The following SIN3B variants were observed in gnomAD, a reference collection of about 807,000 sequenced individuals.
SIN3B encodes paired amphipathic helix protein Sin3b.
Under a neutral mutation model 120.2 loss-of-function variants are expected in SIN3B, and 19 were observed. The observed-to-expected ratio is 0.16, with a 90% CI of 0.11 to 0.23. SIN3B has a LOEUF of 0.23. Ranked by LOEUF, SIN3B falls within the 10% of genes least tolerant of loss-of-function variation. SIN3B has a pLI of 1.00. For missense variants in SIN3B, 1,073 were observed against 1,573.0 expected (o/e 0.68, Z 5.38); for synonymous variants, 654 against 653.2 (o/e 1.00, Z -0.02).
intron 14 of SIN3B, 76 bp downstream of exon 14, chr19:16,871,474 A>AG (rs1379442981): frequency 7.7e-5 from 110 of 1,421,118 alleles, no homozygotes; most frequent in Non-Finnish European, 1.0e-4. Flanking sequence ...CCCGCTCGGG[A>AG]GGGGGCCCGT....
At chr19:16,846,642 C>T (rs1490899147) in intron 4 of SIN3B, among the ~76,000 whole-genome samples, 1 of 152,222 alleles carries the variant, frequency 6.6e-6, no homozygotes, top group East Asian at 1.9e-4. Flanking sequence ...CTACACTCCC[C>T]ATTTCCCTTG....
At chr19:16,865,135 A>G (rs1193057900) in intron 10 of SIN3B, 1 of 331,616 alleles carries the variant, frequency 3.0e-6, no homozygotes, top group African/African-American at 2.1e-5. Context: ...CCGGCCATAA[A>G]TTTTTTTAAT....
At chr19:16,837,230 C>T (rs1971359789) in intron 3 of SIN3B, among the ~76,000 whole-genome samples, 1 of 151,862 alleles carries the variant, frequency 6.6e-6, no homozygotes, top group Non-Finnish European at 1.5e-5. Flanking sequence ...GGAGAGGGAG[C>T]CAGGAGCGTG....
intron 9 of SIN3B, 63 bp from the exon 10 acceptor site, chr19:16,863,617 C>A: frequency 1.9e-6 from 2 of 1,028,500 alleles, no homozygotes; most frequent in Non-Finnish European, 3.1e-6. Context: ...TCTACACTGG[C>A]TAACAGTAAA....
intron 5 of SIN3B, among the ~76,000 whole-genome samples, chr19:16,848,818 T>G (rs1293803228): frequency 6.6e-6 from 1 of 152,154 alleles, no homozygotes; most frequent in Non-Finnish European, 1.5e-5. Flanking sequence ...ATTTTTTAAT[T>G]GTAGAGACAG....
intron 5 of SIN3B, among the ~76,000 whole-genome samples, chr19:16,848,117 A>G (rs1238658006): frequency 6.6e-6 from 1 of 152,196 alleles, no homozygotes; most frequent in Non-Finnish European, 1.5e-5. Flanking sequence ...ATATTCTGTT[A>G]GATGGATGAG....
Position 16,869,407 on chromosome 19 carries a change from G to T in SIN3B, c.1807-53G>T, listed in dbSNP as rs576672746. On this transcript the variant is annotated intron_variant, in intron 12 of 18. Coordinates refer to ENST00000248054, the MANE Select transcript of SIN3B (RefSeq NM_001297595.2). Reference sequence around the variant, plus strand: ...AGCGAGTCGTGAATGGGCACTGGGGGTCCTCTGGGTGCTGGGTGGCTTTCC... The same window carrying T: ...AGCGAGTCGTGAATGGGCACTGGGGTTCCTCTGGGTGCTGGGTGGCTTTCC... 26 of 1,524,910 alleles carry T rather than the reference G, an allele frequency of 1.7e-5. No individual in the cohort carries two copies. In the African/African-American group the frequency reaches 3.1e-4, roughly 18 times the overall value. The allele number at this position is 1,524,910 out of a possible 1,614,324, so 94.5% of individuals were successfully genotyped here. A position where few individuals can be genotyped will look rare whatever the true frequency, so the allele number is the denominator to read the frequency against.
chr19:16,840,166 C>G (rs980916071), intron 3 of SIN3B, among the ~76,000 whole-genome samples: 1 of 152,138 alleles, frequency 6.6e-6, no homozygotes, highest in Non-Finnish European at 1.5e-5. Flanking sequence ...ACATTCCACC[C>G]CAAATTCATG....
intron 4 of SIN3B, among the ~76,000 whole-genome samples, chr19:16,843,475 A>ATGGATGAGTGGTTGCCAG (rs1971443561): frequency 6.6e-6 from 1 of 152,220 alleles, no homozygotes; most frequent in African/African-American, 2.4e-5. Flanking sequence ...CTTGTTTGTC[A>ATGGATGAGTGGTTGCCAG]TGGATGAGTG....
rs142339988 is a variant in SIN3B, at chr19:16,836,628, A to G, written c.381+4981A>G. Among the ~76,000 whole-genome samples, 521 of 152,292 alleles carry G rather than the reference A, an allele frequency of 3.4e-3. 1 individual carries two copies. Among genetic ancestry groups the G allele is most frequent in the African/African-American group, 0.012 (508 of 41,564 alleles). On this transcript the variant is annotated intron_variant, in intron 3 of 18. Coordinates refer to ENST00000248054, the MANE Select transcript of SIN3B (RefSeq NM_001297595.2). ...CACTGTCTTGTTCATGACTGTATCC[A>G]CCTTCTGGAACGTCGCCAGGGAGCA...
At chr19:16,863,372 T>C in intron 9 of SIN3B, 2 of 492,168 alleles carry the variant, frequency 4.1e-6, no homozygotes, top group Admixed American at 3.7e-5. Context: ...GGTATAAGTA[T>C]TCTAGAGATG....
At chr19:16,838,995 T>C (rs1240937405) in intron 3 of SIN3B, among the ~76,000 whole-genome samples, 2 of 101,720 alleles carry the variant, frequency 2.0e-5, no homozygotes, top group Non-Finnish European at 3.9e-5. Flanking sequence ...TTTTTTGAGA[T>C]GGGGTTTTGC....
At position 16,869,580 on chromosome 19, in the gene SIN3B, C is replaced by T. The variant is rs778459904; in HGVS notation, c.1927C>T (p.Arg643Trp). ...AGCGCTCATCAGCTACTACGTGAAG[C>T]GGCAGCCGGCCATCCAGAAGGAGGA... Reference protein sequence around the residue: ...AAALISYYVKRQPAIQKEDQG... With the variant: ...AAALISYYVKWQPAIQKEDQG... The change falls in exon 13 of 19, where the codon CGG becomes TGG. Residue 643 changes from arginine to tryptophan, a missense_variant. Arg to Trp is a moderately radical substitution (Grantham distance 101, BLOSUM62 -3). This residue lies in a region of SIN3B where 169 missense variants were observed against 207.3 expected (regional missense o/e 0.82). Coordinates refer to ENST00000248054, the MANE Select transcript of SIN3B (RefSeq NM_001297595.2). 6 of 1,613,374 alleles carry T rather than the reference C, an allele frequency of 3.7e-6. No individual in the cohort carries two copies. The highest frequency in any genetic ancestry group is 2.2e-5 in the East Asian group (1 of 44,896).
chr19:16,842,736 G>C (rs1004326605), intron 4 of SIN3B, among the ~76,000 whole-genome samples: 1 of 152,200 alleles, frequency 6.6e-6, no homozygotes, highest in African/African-American at 2.4e-5. Context: ...CTCAGAGGTG[G>C]ATTGGGGTGG....
chr19:16,857,817 C>T (rs1029454105), intron 8 of SIN3B, among the ~76,000 whole-genome samples: 4 of 152,192 alleles, frequency 2.6e-5, no homozygotes, highest in African/African-American at 9.7e-5. Context: ...ATGACTCAGT[C>T]TCACCCCCAT....
intron 3 of SIN3B, among the ~76,000 whole-genome samples, chr19:16,840,589 G>A (rs539554081): frequency 6.6e-6 from 1 of 152,204 alleles, no homozygotes; most frequent in African/African-American, 2.4e-5. Flanking sequence ...AGTACAAGAC[G>A]GTAGTGGTGT....
At chr19:16,850,183 G>A (rs1971526905) in intron 5 of SIN3B, among the ~76,000 whole-genome samples, 1 of 151,790 alleles carries the variant, frequency 6.6e-6, no homozygotes, top group African/African-American at 2.4e-5. Flanking sequence ...GTAGTATTGT[G>A]GCTAAATAAT....
In SIN3B at chr19:16,880,090, C is replaced by T. The variant is rs1178422696; in HGVS notation, c.*1363C>T. The T allele has an allele frequency of 6.6e-6, 1 of 152,248 alleles. No individual in the cohort carries two copies. The highest frequency in any genetic ancestry group is 2.4e-5 in the African/African-American group (1 of 41,454). The allele number at this position is 152,248 out of a possible 1,614,324, so 9.4% of individuals were successfully genotyped here. On this transcript the variant is annotated 3_prime_UTR_variant, in exon 19 of 19. Transcript: ENST00000248054. ...GGCACTTTGTACACATCCTGGTTTTCTAAGAAGGGAACTTGCCATCAAGAT... is the reference window on the plus strand; with the variant it reads ...GGCACTTTGTACACATCCTGGTTTTTTAAGAAGGGAACTTGCCATCAAGAT...
chr19:16,850,196 C>T (rs1971527008), intron 5 of SIN3B, among the ~76,000 whole-genome samples: 2 of 151,720 alleles, frequency 1.3e-5, no homozygotes, highest in African/African-American at 4.8e-5. Context: ...TAAATAATGT[C>T]TTTATTATTA....
Sources: gnomAD v4.1 joint callset for allele counts (sites outside exome capture counted in the v4.1 genomes callset) on GRCh38, gnomAD v4.1.1 for gene constraint, gnomAD v4.1.1 regional missense constraint, MANE v1.5 for transcripts, NCBI Gene and HGNC (gene_info 2026-07-23, HGNC 2026-07-21) for gene names.